CNTNAP5: variants seen among roughly 807,000 people sequenced by gnomAD.
The protein encoded by CNTNAP5 is contactin-associated protein-like 5.
CNTNAP5 carries 72 observed loss-of-function variants against 150.2 expected under a neutral mutation model. The observed-to-expected ratio is 0.48, with a 90% CI of 0.40 to 0.58. The LOEUF is 0.58. CNTNAP5 is among the 20% of genes least tolerant of loss of function. The pLI is 0.00. For synonymous variants in CNTNAP5, 672 were observed against 619.8 expected (o/e 1.08, Z -1.25); for missense variants, 1,636 against 1,626.2 (o/e 1.01, Z -0.10).
chr2:124,169,465 C>T (rs1245331325), intron 1 of CNTNAP5, among the ~76,000 whole-genome samples: 2 of 152,114 alleles, frequency 1.3e-5, no homozygotes, highest in African/African-American at 4.8e-5. Flanking sequence ...GGGCAAAGTT[C>T]CTGTAAAGGC....
chr2:124,152,064 G>C (rs1019738820), intron 1 of CNTNAP5, among the ~76,000 whole-genome samples: 1 of 152,146 alleles, frequency 6.6e-6, no homozygotes, highest in African/African-American at 2.4e-5. Flanking sequence ...GAAACTATGG[G>C]AAGTGGATGG....
intron 3 of CNTNAP5, among the ~76,000 whole-genome samples, chr2:124,339,857 T>G (rs190938718): frequency 4.4e-4 from 67 of 152,194 alleles, no homozygotes; most frequent in African/African-American, 1.6e-3. Flanking sequence ...GAAAGTGGTT[T>G]TCTTCCCCTG....
chr2:124,738,123 C>A (rs987251602), intron 13 of CNTNAP5, among the ~76,000 whole-genome samples: 3 of 152,024 alleles, frequency 2.0e-5, no homozygotes, highest in East Asian at 3.9e-4. Flanking sequence ...CTGTGTGAAT[C>A]GGTATAAGTT....
At chr2:124,896,592 G>T (rs544183895) in intron 21 of CNTNAP5, among the ~76,000 whole-genome samples, 1 of 151,400 alleles carries the variant, frequency 6.6e-6, no homozygotes, top group Admixed American at 6.6e-5. Flanking sequence ...AGGCTGGAGT[G>T]CAGTGGCCCA....
chr2:124,738,699 C>G (rs1304233656), intron 13 of CNTNAP5, among the ~76,000 whole-genome samples: 2 of 150,064 alleles, frequency 1.3e-5, no homozygotes. Context: ...CCACTGTACT[C>G]TAGCCTGGGA....
intron 3 of CNTNAP5, among the ~76,000 whole-genome samples, chr2:124,384,409 G>A (rs1398886302): frequency 6.6e-6 from 1 of 152,118 alleles, no homozygotes; most frequent in African/African-American, 2.4e-5. Context: ...TCTTTAGAGA[G>A]GTTTTTTAAA....
At chr2:124,861,916 C>T (rs756791838) in intron 19 of CNTNAP5, among the ~76,000 whole-genome samples, 12 of 152,158 alleles carry the variant, frequency 7.9e-5, no homozygotes, top group Non-Finnish European at 1.2e-4. Flanking sequence ...CAGGTTGAAG[C>T]GATTCTCCTG....
chr2:124,254,758 C>T (rs1687266700), intron 3 of CNTNAP5, among the ~76,000 whole-genome samples: 1 of 152,186 alleles, frequency 6.6e-6, no homozygotes, highest in African/African-American at 2.4e-5. Context: ...AACATCTCTT[C>T]TTGCAACACT....
intron 1 of CNTNAP5, among the ~76,000 whole-genome samples, chr2:124,142,857 T>C (rs1355803632): frequency 1.3e-4 from 20 of 149,544 alleles, no homozygotes; most frequent in Admixed American, 1.3e-3. Flanking sequence ...CAGGAGCTGG[T>C]TTTTTGAAAG....
At chr2:124,868,233 A>G (rs1179529131) in intron 20 of CNTNAP5, among the ~76,000 whole-genome samples, 4 of 152,152 alleles carry the variant, frequency 2.6e-5, no homozygotes, top group Admixed American at 2.6e-4. Context: ...AACCCTGTCA[A>G]TGATTTCCTT....
At chr2:124,151,239 A>G (rs1684399370) in intron 1 of CNTNAP5, among the ~76,000 whole-genome samples, 1 of 152,204 alleles carries the variant, frequency 6.6e-6, no homozygotes. Flanking sequence ...AGTGTCAGCA[A>G]TTTAGGCTGA....
intron 1 of CNTNAP5, among the ~76,000 whole-genome samples, chr2:124,029,935 G>T (rs1464949848): frequency 6.6e-6 from 1 of 152,036 alleles, no homozygotes; most frequent in Non-Finnish European, 1.5e-5. Flanking sequence ...AGGACAATTG[G>T]AATTCACTCA....
intron 20 of CNTNAP5, among the ~76,000 whole-genome samples, chr2:124,868,401 G>C (rs1236457581): frequency 1.3e-5 from 2 of 152,054 alleles, no homozygotes; most frequent in Non-Finnish European, 2.9e-5. Context: ...TATTTGCAGA[G>C]CCCTTGGACT....
chr2:124,792,893 C>T (rs181027613), intron 18 of CNTNAP5, among the ~76,000 whole-genome samples: 33 of 152,264 alleles, frequency 2.2e-4, no homozygotes, highest in Admixed American at 2.2e-3. Context: ...GAGTGTTGCG[C>T]AGTGTGAAAG....
chr2:124,803,895 C>T (rs1199896528), intron 19 of CNTNAP5, among the ~76,000 whole-genome samples: 3 of 152,132 alleles, frequency 2.0e-5, no homozygotes, highest in South Asian at 2.1e-4. Context: ...GCTGCCTCCA[C>T]ATAGCCCCTC....
At chr2:124,714,105 T>C (rs1679896308) in intron 13 of CNTNAP5, among the ~76,000 whole-genome samples, 1 of 152,184 alleles carries the variant, frequency 6.6e-6, no homozygotes, top group African/African-American at 2.4e-5. Flanking sequence ...CTGAGTTTGC[T>C]GAGCTTCATT....
intron 18 of CNTNAP5, among the ~76,000 whole-genome samples, chr2:124,794,791 T>C (rs1681810467): frequency 6.6e-6 from 1 of 152,154 alleles, no homozygotes. Context: ...TCCTCCTCCT[T>C]TATTATTTTG....
intron 3 of CNTNAP5, among the ~76,000 whole-genome samples, chr2:124,309,197 C>T (rs936277397): frequency 2.6e-5 from 4 of 152,132 alleles, no homozygotes; most frequent in South Asian, 2.1e-4. Flanking sequence ...TCTCTTAAAA[C>T]GTCTTGCTGT....
chr2:124,452,089 C>A (rs2968545), intron 6 of CNTNAP5, among the ~76,000 whole-genome samples: 142,149 of 152,132 alleles, frequency 0.93, 66,498 homozygotes, highest in East Asian at 1. Context: ...ATCCACAGGT[C>A]GGGGAAGCAG....
Sources: allele counts gnomAD v4.1 joint callset (sites outside exome capture counted in the v4.1 genomes callset), GRCh38; gene constraint gnomAD v4.1.1; transcripts MANE v1.5; gene names NCBI Gene and HGNC (gene_info 2026-07-23, HGNC 2026-07-21).